NPFFR1: variants seen among roughly 807,000 people sequenced by gnomAD.
NPFFR1 encodes the protein neuropeptide FF receptor 1, also known as G-protein coupled receptor 147.
In NPFFR1, 17 loss-of-function variants were observed where a neutral mutation model predicts 12.7. The observed-to-expected ratio is 1.34, with a 90% CI of 0.92 to 2.01. NPFFR1 has a LOEUF of 2.01. Among genes scored for constraint, NPFFR1 ranks in the 30% most tolerant of loss-of-function variants. NPFFR1 has a pLI of 0.00. For synonymous variants in NPFFR1, 296 were observed against 264.5 expected (o/e 1.12, Z -1.16); for missense variants, 604 against 606.5 (o/e 1.00, Z 0.04).
chr10:70,270,215 G>A (rs1200305549), intron 1 of NPFFR1, among the ~76,000 whole-genome samples: 1 of 152,060 alleles, frequency 6.6e-6, no homozygotes, highest in Non-Finnish European at 1.5e-5. Flanking sequence ...CTGTAGGAAG[G>A]AAAAAAAGAA....
At chr10:70,283,543 G>A in intron 1 of NPFFR1, 127 bp downstream of exon 1, 1 of 935,238 alleles carries the variant, frequency 1.1e-6, no homozygotes, top group Non-Finnish European at 1.7e-6. Flanking sequence ...CACACACAGA[G>A]TGTCACAACG....
At chr10:70,260,097 C>G (rs916901753) in intron 3 of NPFFR1, among the ~76,000 whole-genome samples, 1 of 152,216 alleles carries the variant, frequency 6.6e-6, no homozygotes, top group Non-Finnish European at 1.5e-5. Context: ...CTGCTCCATA[C>G]CTTTGGCCAC....
At chr10:70,259,036 C>T (rs1353191733) in intron 3 of NPFFR1, among the ~76,000 whole-genome samples, 1 of 152,172 alleles carries the variant, frequency 6.6e-6, no homozygotes, top group Non-Finnish European at 1.5e-5. Context: ...TGGCTTATGT[C>T]AGCACTTTGG....
At chr10:70,258,538 T>C (rs970233191) in intron 3 of NPFFR1, among the ~76,000 whole-genome samples, 5 of 152,222 alleles carry the variant, frequency 3.3e-5, no homozygotes, top group African/African-American at 9.6e-5. Flanking sequence ...AGCCTTAGTT[T>C]CCTCATCTGT....
At position 70,255,707 on chromosome 10, in the gene NPFFR1, G is replaced by C; in HGVS notation, c.543C>G (p.Thr181=). ...LIMCPSAVTL[T]VTREEHHFMV... ...TGAAGTGGTGCTCCTCACGGGTGAC[G>C]GTCAGCGTGACGGCCGAGGGACACA... Residue 181 remains threonine (T), a synonymous_variant, in exon 4 of 4, where the codon ACC becomes ACG. Coordinates refer to ENST00000277942, the MANE Select transcript of NPFFR1 (RefSeq NM_022146.5). The surrounding 1 kb of genome is among the most constrained non-coding windows in gnomAD (Gnocchi z 4.2). 1 of 1,607,848 alleles carries C rather than the reference G, an allele frequency of 6.2e-7. No individual in the cohort carries two copies. The highest frequency in any genetic ancestry group is 8.5e-7 in the Non-Finnish European group (1 of 1,177,442).
rs1041370232 is a variant in NPFFR1 at position 70,248,842 on chromosome 10, T to A, written c.*6115A>T. 6.6e-6 allele frequency: 1 copy of A among 152,186 alleles called. No homozygotes were observed. The highest frequency in any genetic ancestry group is 2.4e-5 in the African/African-American group (1 of 41,450). The allele number at this position is 152,186 out of a possible 1,614,324, so 9.4% of individuals were successfully genotyped here. On this transcript the variant is annotated 3_prime_UTR_variant, in exon 4 of 4. Coordinates refer to ENST00000277942, the MANE Select transcript of NPFFR1 (RefSeq NM_022146.5). ...TGTTTTGAGTTAACCAGAAATTTAATTATTGAAATTCAATAGCATTTTGAT... is the reference window on the plus strand; with the variant it reads ...TGTTTTGAGTTAACCAGAAATTTAAATATTGAAATTCAATAGCATTTTGAT...
Position 70,249,913 on chromosome 10 carries a change from CTT to C in NPFFR1, c.*5042_*5043del, listed in dbSNP as rs34524848. On this transcript the variant is annotated 3_prime_UTR_variant, in exon 4 of 4. Coordinates refer to ENST00000277942, the MANE Select transcript of NPFFR1 (RefSeq NM_022146.5). ...ATTTTCTTTTCTTCTTTCTTTCTTT[CTT>C]TTTTTTTTTTTTTTTGAGACAGTCT... 7.2e-4 allele frequency: 92 copies of C among 128,460 alleles called. No individual in the cohort carries two copies. The highest frequency in any genetic ancestry group is 4.2e-3 in the South Asian group (17 of 4,028). The allele number at this position is 128,460 out of a possible 1,614,324, so 8.0% of individuals were successfully genotyped here.
chr10:70,266,938 A>G (rs1215746176), intron 1 of NPFFR1, among the ~76,000 whole-genome samples: 2 of 152,170 alleles, frequency 1.3e-5, no homozygotes, highest in African/African-American at 4.8e-5. Flanking sequence ...TGACTACAGT[A>G]ACACTCTTCC....
chr10:70,268,123 C>A (rs1168139209), intron 1 of NPFFR1, among the ~76,000 whole-genome samples: 11 of 152,156 alleles, frequency 7.2e-5, no homozygotes, highest in African/African-American at 2.2e-4. Flanking sequence ...ACATCATCTG[C>A]TTTCAACAGT....
intron 3 of NPFFR1, among the ~76,000 whole-genome samples, chr10:70,259,536 TCTC>T (rs1315277239): frequency 3.3e-5 from 5 of 152,064 alleles, no homozygotes; most frequent in Middle Eastern, 3.2e-3. Context: ...GGAAGGGACT[TCTC>T]CTGATCACCC....
At chr10:70,260,915 A>G (rs1053661549) in intron 2 of NPFFR1, among the ~76,000 whole-genome samples, 176 bp from the exon 3 acceptor site, 1 of 151,720 alleles carries the variant, frequency 6.6e-6, no homozygotes, top group African/African-American at 2.4e-5. Context: ...AGCCCATAAA[A>G]CCATGGACAG....
chr10:70,261,046 G>T (rs966814598), intron 2 of NPFFR1, among the ~76,000 whole-genome samples: 2 of 152,060 alleles, frequency 1.3e-5, no homozygotes, highest in African/African-American at 2.4e-5. Flanking sequence ...TATAGAAAAA[G>T]GCAGCCCTCT....
At chr10:70,270,104 C>T (rs1840731953) in intron 1 of NPFFR1, among the ~76,000 whole-genome samples, 1 of 152,232 alleles carries the variant, frequency 6.6e-6, no homozygotes, top group Non-Finnish European at 1.5e-5. Context: ...AAGCAAGGAT[C>T]TTCCCTGTCT....
intron 2 of NPFFR1, among the ~76,000 whole-genome samples, chr10:70,262,163 TTGTA>T (rs1840641833): frequency 6.6e-6 from 1 of 152,164 alleles, no homozygotes; most frequent in Non-Finnish European, 1.5e-5. Flanking sequence ...GAGTATATCT[TTGTA>T]TGGTTCTGAC....
At chr10:70,274,407 C>T (rs1840780312) in intron 1 of NPFFR1, among the ~76,000 whole-genome samples, 1 of 151,454 alleles carries the variant, frequency 6.6e-6, no homozygotes, top group Non-Finnish European at 1.5e-5. Context: ...TGAGATCGCA[C>T]CACAGCACTC....
chr10:70,247,531 A>G lies in NPFFR1; in HGVS notation c.*7426T>C, dbSNP rs189631588. On this transcript the variant is annotated 3_prime_UTR_variant, in exon 4 of 4. Transcript: ENST00000277942. ...GGGCAGTCAAAACACAGAAATGTAG[A>G]TCGCTCAGTCACTGAAACGGATTGA... 1 of 152,220 alleles carries G rather than the reference A, an allele frequency of 6.6e-6. No homozygotes were observed. The highest frequency in any genetic ancestry group is 1.5e-5 in the Non-Finnish European group (1 of 68,046). 9.4% of individuals were successfully genotyped at this position (152,220 alleles called of 1,614,324 possible).
rs754806362 is a variant in NPFFR1 at position 70,255,635 on chromosome 10, C to A, written c.615G>T (p.Glu205Asp). 6 of 1,585,674 alleles carry A rather than the reference C, an allele frequency of 3.8e-6. No individual in the cohort carries two copies. In the African/African-American group the frequency reaches 5.4e-5, roughly 14 times the overall value. ...NRSYPLYSCWEAWPEKGMRRV... is the reference protein window; with the variant it reads ...NRSYPLYSCWDAWPEKGMRRV... ...TGCGCATGCCCTTCTCGGGCCAGGC[C>A]TCCCAGCAGGAGTAGAGCGGGTAGG... is the stretch of plus-strand genomic sequence containing the variant. Residue 205 changes from glutamate (E) to aspartate (D), a missense_variant, in exon 4 of 4, where the codon GAG becomes GAT. Glu to Asp is a conservative substitution (Grantham distance 45, BLOSUM62 2). Coordinates refer to ENST00000277942, the MANE Select transcript of NPFFR1 (RefSeq NM_022146.5). The surrounding 1 kb of genome is among the most constrained non-coding windows in gnomAD (Gnocchi z 4.2).
rs1840464186 is a variant in NPFFR1 at position 70,247,731 on chromosome 10, C to T, written c.*7226G>A. 1.3e-5 allele frequency: 2 copies of T among 152,344 alleles called. No homozygotes were observed. Among genetic ancestry groups the T allele is most frequent in the South Asian group, 4.1e-4 (2 of 4,824 alleles). The allele number at this position is 152,344 out of a possible 1,614,324, so 9.4% of individuals were successfully genotyped here. A position where few individuals can be genotyped will look rare whatever the true frequency, so the allele number is the denominator to read the frequency against. On this transcript the variant is annotated 3_prime_UTR_variant, in exon 4 of 4. Transcript: ENST00000277942. Reference sequence around the variant, plus strand: ...ACCCACATTAATTTGGTTGCTTGCACATGACAACAGCATCATTTATTGGTG... The same window carrying T: ...ACCCACATTAATTTGGTTGCTTGCATATGACAACAGCATCATTTATTGGTG...
chr10:70,266,107 G>A lies in NPFFR1; in HGVS notation c.292C>T (p.Pro98Ser), dbSNP rs1321636946. Residue 98 changes from proline to serine, a missense_variant, in exon 2 of 4, where the codon CCC becomes TCC. Pro to Ser is a moderately conservative substitution (Grantham distance 74, BLOSUM62 -1). Coordinates refer to ENST00000277942, the MANE Select transcript of NPFFR1 (RefSeq NM_022146.5). ...SDLLVGIFCM[P>S]TTLVDNLITG... ...ATGAGGTTGTCCACAAGGGTGGTGG[G>A]CATGCAGAAGATGCCCACCAGCAGG... 7 of 1,614,004 alleles carry A rather than the reference G, an allele frequency of 4.3e-6. No individual in the cohort carries two copies. Among genetic ancestry groups the A allele is most frequent in the Non-Finnish European group, 5.9e-6 (7 of 1,179,888 alleles).
Sources: allele counts gnomAD v4.1 joint callset (sites outside exome capture counted in the v4.1 genomes callset), GRCh38; gene constraint gnomAD v4.1.1; non-coding constraint Gnocchi (gnomAD v3.1); transcripts MANE v1.5; gene names NCBI Gene and HGNC (gene_info 2026-07-23, HGNC 2026-07-21).